Variants in JAM2 observed in about 807,000 individuals in gnomAD.
The protein encoded by JAM2 is junctional adhesion molecule B.
Under a neutral mutation model 42.0 loss-of-function variants are expected in JAM2, and 17 were observed. The observed-to-expected ratio is 0.40, with a 90% CI of 0.28 to 0.61. The LOEUF is 0.61. JAM2 is among the 20% of genes least tolerant of loss of function. The pLI is 0.37. For synonymous variants in JAM2, 118 were observed against 128.6 expected (o/e 0.92, Z 0.56); for missense variants, 319 against 358.3 (o/e 0.89, Z 0.89).
At chr21:25,699,724 A>T (rs1462154869) in intron 5 of JAM2, among the ~76,000 whole-genome samples, 2 of 37,342 alleles carry the variant, frequency 5.4e-5, no homozygotes, top group Non-Finnish European at 9.9e-5. Context: ...CTCCGTCTCA[A>T]AAAAAAAAAA....
At chr21:25,681,796 C>T (rs1265427189) in intron 1 of JAM2, among the ~76,000 whole-genome samples, 5 of 152,132 alleles carry the variant, frequency 3.3e-5, no homozygotes, top group African/African-American at 1.2e-4. Flanking sequence ...TCCTGGCCAA[C>T]ATGGTGAAAC....
chr21:25,669,974 T>G (rs1377331293), intron 1 of JAM2, among the ~76,000 whole-genome samples: 2 of 152,236 alleles, frequency 1.3e-5, no homozygotes, highest in Non-Finnish European at 2.9e-5. Flanking sequence ...ACCACCTTAT[T>G]AAGACTAAGT....
intron 1 of JAM2, among the ~76,000 whole-genome samples, chr21:25,659,638 G>C (rs1380572412): frequency 6.6e-6 from 1 of 152,074 alleles, no homozygotes. Flanking sequence ...TTTTATTTTT[G>C]AAGGTGGAAA....
At chr21:25,697,085 T>C (rs528523909) in intron 4 of JAM2, among the ~76,000 whole-genome samples, 1 of 150,252 alleles carries the variant, frequency 6.7e-6, no homozygotes, top group East Asian at 2.0e-4. Flanking sequence ...CCTCAAGAGA[T>C]CCTCCTGCCT....
intron 3 of JAM2, among the ~76,000 whole-genome samples, chr21:25,690,815 C>A (rs2033864238): frequency 6.6e-6 from 1 of 151,996 alleles, no homozygotes; most frequent in African/African-American, 2.4e-5. Flanking sequence ...TGACAGCAAC[C>A]ATTATCAAGT....
chr21:25,654,236 G>T (rs1178110435), intron 1 of JAM2, among the ~76,000 whole-genome samples: 1 of 152,190 alleles, frequency 6.6e-6, no homozygotes, highest in Non-Finnish European at 1.5e-5. Flanking sequence ...GCATGTAATT[G>T]ACTTAGGGTA....
intron 7 of JAM2, among the ~76,000 whole-genome samples, chr21:25,707,257 G>A (rs1395030382): frequency 6.6e-6 from 1 of 152,080 alleles, no homozygotes; most frequent in African/African-American, 2.4e-5. Context: ...TGAGGCGGGA[G>A]GATTACTTGA....
intron 4 of JAM2, among the ~76,000 whole-genome samples, chr21:25,698,156 G>A (rs1196285494): frequency 6.6e-6 from 1 of 152,222 alleles, no homozygotes; most frequent in Non-Finnish European, 1.5e-5. Context: ...AACTCTCAGT[G>A]AGTTGCTTAA....
intron 1 of JAM2, among the ~76,000 whole-genome samples, chr21:25,647,038 G>T (rs2032635127): frequency 6.6e-6 from 1 of 152,162 alleles, no homozygotes; most frequent in Non-Finnish European, 1.5e-5. Flanking sequence ...TTTATGCTAG[G>T]TTTGTCCAAT....
At chr21:25,665,067 C>G (rs991040097) in intron 1 of JAM2, among the ~76,000 whole-genome samples, 1 of 152,140 alleles carries the variant, frequency 6.6e-6, no homozygotes, top group African/African-American at 2.4e-5. Flanking sequence ...TAGAGTGTTG[C>G]CTAGGGCTTT....
At chr21:25,674,823 A>G (rs531902480) in intron 1 of JAM2, among the ~76,000 whole-genome samples, 1 of 151,838 alleles carries the variant, frequency 6.6e-6, no homozygotes, top group East Asian at 1.9e-4. Context: ...CATAATATCT[A>G]GCTCCAAATT....
chr21:25,669,295 C>CG (rs1454384856), intron 1 of JAM2, among the ~76,000 whole-genome samples: 1 of 151,272 alleles, frequency 6.6e-6, no homozygotes, highest in East Asian at 1.9e-4. Context: ...CACCTGAGCC[C>CG]GGGGAGGTTG....
chr21:25,689,970 C>G lies in JAM2; in HGVS notation c.238C>G (p.Gln80Glu). 6.3e-7 allele frequency: 1 copy of G among 1,590,686 alleles called. No individual in the cohort carries two copies. Among genetic ancestry groups the G allele is most frequent in the Non-Finnish European group, 8.6e-7 (1 of 1,159,078 alleles). ...VSFVYYQQTL[Q>E]GDFKNRAEMI... ...CTTTGTCTACTATCAACAGACTCTT[C>G]AAGGTAAGCAGCTGTAGGCTTGAAG... is the stretch of plus-strand genomic sequence containing the variant. The change falls in exon 3 of 10, where the codon CAA (glutamine) becomes GAA (glutamate). Residue 80 changes from glutamine (Q) to glutamate (E), a missense_variant. Gln to Glu is a conservative substitution (Grantham distance 29, BLOSUM62 2). Transcript: ENST00000480456.
At chr21:25,651,403 C>T (rs1568888098) in intron 1 of JAM2, among the ~76,000 whole-genome samples, 1 of 152,136 alleles carries the variant, frequency 6.6e-6, no homozygotes, top group South Asian at 2.1e-4. Flanking sequence ...AGCACTTCTT[C>T]CCTTAGCAAA....
At chr21:25,649,389 G>T (rs900373883) in intron 1 of JAM2, among the ~76,000 whole-genome samples, 1 of 152,184 alleles carries the variant, frequency 6.6e-6, no homozygotes, top group African/African-American at 2.4e-5. Flanking sequence ...AAGCAGAAGT[G>T]CCGAGCAAAA....
At chr21:25,691,980 G>T (rs1171784650) in intron 3 of JAM2, among the ~76,000 whole-genome samples, 1 of 150,920 alleles carries the variant, frequency 6.6e-6, no homozygotes, top group Non-Finnish European at 1.5e-5. Flanking sequence ...CTGCACTCCA[G>T]CCTGGGCAAC....
rs2034478521 is a variant in JAM2 at position 25,716,220 on chromosome 21, C to T, written c.*1548C>T. On this transcript the variant is annotated 3_prime_UTR_variant, in exon 10 of 10. Transcript: ENST00000480456. ...CATGTTGGCCAGGCTGGTCTCAAAC[C>T]TCTGACCTCAAATGATCCACCCCCA... The T allele has an allele frequency of 6.6e-6, 1 of 152,580 alleles. No homozygotes were observed. Among genetic ancestry groups the T allele is most frequent in the Non-Finnish European group, 1.5e-5 (1 of 68,372 alleles). 9.5% of individuals were successfully genotyped at this position (152,580 alleles called of 1,614,324 possible). A position where few individuals can be genotyped will look rare whatever the true frequency, so the allele number is the denominator to read the frequency against.
chr21:25,692,554 A>G (rs1191488220), intron 3 of JAM2: 1 of 175,586 alleles, frequency 5.7e-6, no homozygotes, highest in Non-Finnish European at 1.2e-5. Context: ...AGACCACCTA[A>G]GCAGAATAAA....
Position 25,700,230 on chromosome 21 carries a change from A to T in JAM2, c.597+1351A>T, listed in dbSNP as rs116079340. ...AGGGTCATTAAGCTTGAAGCTTTTT[A>T]AAAAAAATTCAGTCAATGTAATATT... On this transcript the variant is annotated intron_variant, in intron 5 of 9. Transcript: ENST00000480456. Among the ~76,000 whole-genome samples, 578 of 152,236 alleles carry T rather than the reference A, an allele frequency of 3.8e-3. 1 individual carries two copies. The highest frequency in any genetic ancestry group is 9.6e-3 in the African/African-American group (400 of 41,540).
Sources: gnomAD v4.1 joint callset for allele counts (sites outside exome capture counted in the v4.1 genomes callset) on GRCh38, gnomAD v4.1.1 for gene constraint, MANE v1.5 for transcripts, NCBI Gene and HGNC (gene_info 2026-07-23, HGNC 2026-07-21) for gene names.